Variants in TGFB2 observed in about 807,000 individuals in gnomAD.
The protein encoded by TGFB2 is transforming growth factor beta-2 proprotein.
Under a neutral mutation model 42.7 loss-of-function variants are expected in TGFB2, and 13 were observed. The observed-to-expected ratio is 0.30, with a 90% CI of 0.20 to 0.48. The LOEUF (loss-of-function observed/expected upper bound fraction) is 0.48. Ranked by LOEUF, TGFB2 falls within the 20% of genes least tolerant of loss-of-function variation. The pLI is 0.99. For synonymous variants in TGFB2, 193 were observed against 193.6 expected (o/e 1.00, Z 0.03); for missense variants, 390 against 517.5 (o/e 0.75, Z 2.39).
chr1:218,398,327 T>A (rs774702954), intron 1 of TGFB2, among the ~76,000 whole-genome samples: 4 of 152,216 alleles, frequency 2.6e-5, no homozygotes, highest in Non-Finnish European at 5.9e-5. Flanking sequence ...ATTTCAACAT[T>A]CACGCACTTT....
At chr1:218,428,466 T>G (rs1341768172) in intron 2 of TGFB2, among the ~76,000 whole-genome samples, 2 of 152,256 alleles carry the variant, frequency 1.3e-5, no homozygotes, top group African/African-American at 4.8e-5. Context: ...TTTATGGTTT[T>G]AGGTCTAACA....
chr1:218,384,772 C>G (rs1261519033), intron 1 of TGFB2, among the ~76,000 whole-genome samples: 1 of 152,166 alleles, frequency 6.6e-6, no homozygotes, highest in Non-Finnish European at 1.5e-5. Context: ...CAGAAAAGGA[C>G]AGAAGGCAGA....
intron 1 of TGFB2, 37 bp from the exon 2 acceptor site, chr1:218,405,132 T>C (rs1480519868): frequency 1.3e-6 from 2 of 1,542,744 alleles, no homozygotes; most frequent in South Asian, 2.5e-5. Context: ...GCACAATGGA[T>C]TTTATCATTT....
At chr1:218,379,047 C>T (rs1238730199) in intron 1 of TGFB2, among the ~76,000 whole-genome samples, 1 of 152,094 alleles carries the variant, frequency 6.6e-6, no homozygotes, top group East Asian at 1.9e-4. Context: ...TGACCTGCCA[C>T]CCACAAGGGA....
At chr1:218,404,845 C>G (rs1004593187) in intron 1 of TGFB2, among the ~76,000 whole-genome samples, 1 of 152,170 alleles carries the variant, frequency 6.6e-6, no homozygotes, top group African/African-American at 2.4e-5. Flanking sequence ...CAGGCATGAA[C>G]TGTCATAAAC....
intron 1 of TGFB2, among the ~76,000 whole-genome samples, chr1:218,395,500 G>A (rs1658476139): frequency 6.6e-6 from 1 of 152,132 alleles, no homozygotes; most frequent in South Asian, 2.1e-4. Flanking sequence ...CCTTTGCACA[G>A]AAGGCAGGAT....
chr1:218,366,255 T>C (rs918233569), intron 1 of TGFB2, among the ~76,000 whole-genome samples: 3 of 152,170 alleles, frequency 2.0e-5, no homozygotes, highest in African/African-American at 7.2e-5. Context: ...ATTTACTGAA[T>C]AAGAGGCTTT....
At chr1:218,358,457 G>A (rs1211012948) in intron 1 of TGFB2, among the ~76,000 whole-genome samples, 2 of 151,550 alleles carry the variant, frequency 1.3e-5, no homozygotes, top group Non-Finnish European at 2.9e-5. Flanking sequence ...CCTATCTATT[G>A]GCTTAATCTC....
chr1:218,404,711 T>TA (rs796963851), intron 1 of TGFB2, among the ~76,000 whole-genome samples: 1 of 152,156 alleles, frequency 6.6e-6, no homozygotes, highest in African/African-American at 2.4e-5. Flanking sequence ...TGAGCCTGGT[T>TA]AAAAAAAGAT....
chr1:218,425,646 C>T (rs748670098), intron 2 of TGFB2, among the ~76,000 whole-genome samples: 4 of 152,078 alleles, frequency 2.6e-5, no homozygotes, highest in Non-Finnish European at 5.9e-5. Context: ...GAGGCAATGG[C>T]GCTATTATTA....
chr1:218,413,459 G>A (rs1659165315), intron 2 of TGFB2, among the ~76,000 whole-genome samples: 1 of 152,192 alleles, frequency 6.6e-6, no homozygotes, highest in Non-Finnish European at 1.5e-5. Flanking sequence ...TTTCTTGACT[G>A]TGGCCTGAGA....
rs11285412 is a variant in TGFB2, at chr1:218,437,320, CTT to C, written c.933-7_933-6del. 97,535 of 1,372,966 alleles carry C rather than the reference CTT, an allele frequency of 0.071. 4 individuals are homozygous for C. Among genetic ancestry groups the C allele is most frequent in the East Asian group, 0.21 (7,911 of 37,294 alleles). 85.0% of individuals were successfully genotyped at this position (1,372,966 alleles called of 1,614,324 possible). On this transcript the variant is annotated intron_variant, in intron 5 of 6. Coordinates refer to ENST00000366930, the MANE Select transcript of TGFB2 (RefSeq NM_003238.6). ...TGAATCAGCTTTAAAATCTCCATTG[CTT>C]TTTTTTTTTTTTTTTAACAGAAATG...
At position 218,441,317 on chromosome 1, in the gene TGFB2, T is replaced by G; in HGVS notation, c.1200T>G (p.Ile400Met). 1 of 1,612,222 alleles carries G rather than the reference T, an allele frequency of 6.2e-7. No homozygotes were observed. Among genetic ancestry groups the G allele is most frequent in the Non-Finnish European group, 8.5e-7 (1 of 1,179,618 alleles). The change falls in exon 7 of 7, where the codon ATT (isoleucine) becomes ATG (methionine). Residue 400 changes from isoleucine to methionine, a missense_variant. By Grantham distance (10) the Ile-to-Met change is conservative. Coordinates refer to ENST00000366930, the MANE Select transcript of TGFB2 (RefSeq NM_003238.6). ...ACTACATTGGCAAAACACCCAAGAT[T>G]GAACAGCTTTCTAATATGATTGTAA... ...ILYYIGKTPK[I>M]EQLSNMIVKS...
chr1:218,347,393 TA>T (rs2102528311), intron 1 of TGFB2, among the ~76,000 whole-genome samples: 1 of 152,298 alleles, frequency 6.6e-6, no homozygotes, highest in East Asian at 1.9e-4. Flanking sequence ...GGGGCAGAGT[TA>T]AACTGAGGAA....
chr1:218,439,022 C>T (rs994556417), intron 6 of TGFB2, among the ~76,000 whole-genome samples: 2 of 150,328 alleles, frequency 1.3e-5, no homozygotes, highest in South Asian at 2.1e-4. Context: ...GGCAGAGAAT[C>T]GCTTGAACCC....
intron 1 of TGFB2, among the ~76,000 whole-genome samples, chr1:218,390,386 C>T (rs1003304866): frequency 2.6e-5 from 4 of 151,858 alleles, no homozygotes; most frequent in African/African-American, 9.7e-5. Context: ...TCCTTCCATT[C>T]TCAAAACGAC....
chr1:218,439,984 G>C (rs1660100956), intron 6 of TGFB2, among the ~76,000 whole-genome samples: 1 of 152,228 alleles, frequency 6.6e-6, no homozygotes, highest in Admixed American at 6.5e-5. Flanking sequence ...GTCACTTGCT[G>C]TTTGACTAAC....
At chr1:218,404,694 C>T (rs925156240) in intron 1 of TGFB2, among the ~76,000 whole-genome samples, 4 of 151,854 alleles carry the variant, frequency 2.6e-5, no homozygotes, top group Admixed American at 6.6e-5. Flanking sequence ...AAAAGAGATT[C>T]GATATATGAG....
chr1:218,380,310 G>T (rs1249812529), intron 1 of TGFB2, among the ~76,000 whole-genome samples: 1 of 152,210 alleles, frequency 6.6e-6, no homozygotes, highest in Admixed American at 6.5e-5. Context: ...CACTCTAGAA[G>T]TAGATTCCAC....
Sources: allele counts gnomAD v4.1 joint callset (sites outside exome capture counted in the v4.1 genomes callset), GRCh38; gene constraint gnomAD v4.1.1; transcripts MANE v1.5; gene names NCBI Gene and HGNC (gene_info 2026-07-23, HGNC 2026-07-21).